CLASP1: variants seen among roughly 807,000 people sequenced by gnomAD.
CLASP1 encodes cytoplasmic linker associated protein 1, also known as CLIP-associating protein 1.
In CLASP1, 38 loss-of-function variants were observed where a neutral mutation model predicts 192.3. The observed-to-expected ratio is 0.20, with a 90% confidence interval of 0.15 to 0.26. The LOEUF (loss-of-function observed/expected upper bound fraction) is 0.26. Among genes scored for constraint, CLASP1 ranks in the 10% least tolerant of loss-of-function variants. The pLI, the probability that CLASP1 is intolerant of heterozygous loss-of-function variation, is 1.00. For missense variants in CLASP1, 1,433 were observed against 1,932.5 expected, an observed-to-expected ratio of 0.74 and a Z score of 4.85; for synonymous variants, 691 against 712.8, an observed-to-expected ratio of 0.97 and a Z score of 0.49.
At chr2:121,456,422 AACTTGAGGTT>A (rs745942756) in intron 14 of CLASP1, among the ~76,000 whole-genome samples, 59 of 151,636 alleles carry the variant, frequency 3.9e-4, no homozygotes, top group Non-Finnish European at 2.4e-4. Flanking sequence ...GAAGCCCAGG[AACTTGAGGTT>A]ACAGTGTGCT....
At chr2:121,337,961 A>G (rs200097989) in exon 40 of CLASP1, 1 of 148,280 alleles carries the variant, frequency 6.7e-6, no homozygotes, top group Non-Finnish European at 1.5e-5. Flanking sequence ...CCCCAAAAAA[A>G]CCCAAAAAAC....
At chr2:121,428,223 C>A (rs1452406986) in intron 20 of CLASP1, among the ~76,000 whole-genome samples, 1 of 152,192 alleles carries the variant, frequency 6.6e-6, no homozygotes, top group African/African-American at 2.4e-5. Context: ...AGGTAACCTA[C>A]ACATTCCTAA....
chr2:121,486,030 G>C (rs1014444124), intron 8 of CLASP1, among the ~76,000 whole-genome samples: 3 of 152,202 alleles, frequency 2.0e-5, no homozygotes, highest in African/African-American at 4.8e-5. Context: ...TGAGGAAAGT[G>C]AAGTGCATTC....
intron 34 of CLASP1, among the ~76,000 whole-genome samples, chr2:121,371,309 C>G (rs1157971026): frequency 6.6e-6 from 1 of 152,040 alleles, no homozygotes; most frequent in Non-Finnish European, 1.5e-5. Context: ...TAGCTTACTG[C>G]AGCCTCAAAC....
chr2:121,625,858 G>A (rs1381500075), intron 1 of CLASP1, among the ~76,000 whole-genome samples: 5 of 151,862 alleles, frequency 3.3e-5, no homozygotes, highest in Non-Finnish European at 4.4e-5. Flanking sequence ...TTGGGAGGCC[G>A]AGGCAGGCAC....
At chr2:121,434,453 T>C (rs2081974016) in intron 19 of CLASP1, among the ~76,000 whole-genome samples, 1 of 151,676 alleles carries the variant, frequency 6.6e-6, no homozygotes, top group African/African-American at 2.4e-5. Flanking sequence ...TCTGTAGAGA[T>C]GGGGGTCTCA....
intron 32 of CLASP1, among the ~76,000 whole-genome samples, 154 bp from the exon 34 acceptor site, chr2:121,382,478 C>T (rs1381615903): frequency 6.6e-6 from 1 of 152,168 alleles, no homozygotes. Flanking sequence ...CTTCATCATA[C>T]AGAGAAAAGA....
At chr2:121,354,083 G>A (rs973740613) in intron 37 of CLASP1, among the ~76,000 whole-genome samples, 2 of 152,222 alleles carry the variant, frequency 1.3e-5, no homozygotes, top group African/African-American at 2.4e-5. Context: ...CCAGGCCAGC[G>A]TACATATTTT....
chr2:121,404,512 G>T, intron 25 of CLASP1, 78 bp from the exon 27 acceptor site: 1 of 1,286,684 alleles, frequency 7.8e-7, no homozygotes, highest in Non-Finnish European at 1.1e-6. Flanking sequence ...TATTACCCAG[G>T]CTAGAGTGCA....
chr2:121,344,106 C>A (rs2063137149), intron 39 of CLASP1, among the ~76,000 whole-genome samples: 1 of 151,654 alleles, frequency 6.6e-6, no homozygotes, highest in Non-Finnish European at 1.5e-5. Flanking sequence ...TTTTATTATA[C>A]CACAATAAAA....
chr2:121,534,246 G>T (rs533336092), intron 2 of CLASP1, among the ~76,000 whole-genome samples: 1 of 152,324 alleles, frequency 6.6e-6, no homozygotes, highest in Non-Finnish European at 1.5e-5. Context: ...GCCCTCCAAA[G>T]TTGGTGACCT....
intron 2 of CLASP1, among the ~76,000 whole-genome samples, chr2:121,573,731 C>T (rs13409607): frequency 0.13 from 19,586 of 152,074 alleles, 1,727 homozygotes; most frequent in African/African-American, 0.24. Context: ...CCAAATGTTA[C>T]CATTTTGGGA....
chr2:121,534,532 G>A lies in CLASP1; in HGVS notation c.196-4207C>T, dbSNP rs80115427. Reference sequence around the variant, plus strand: ...ATTATTCCTGTAAAAATTTTCTTTTGTTGTTGTTGTTGTTTGTTTTTTTGA... The same window carrying A: ...ATTATTCCTGTAAAAATTTTCTTTTATTGTTGTTGTTGTTTGTTTTTTTGA... On this transcript the variant is annotated intron_variant, in intron 2 of 39. Coordinates refer to ENST00000263710, the Ensembl canonical transcript of CLASP1. Among the ~76,000 whole-genome samples, 1,421 of 152,150 alleles carry A rather than the reference G, an allele frequency of 9.3e-3. 42 individuals are homozygous for A. The highest frequency in any genetic ancestry group is 0.093 in the East Asian group (483 of 5,178).
exon 38 of CLASP1, chr2:121,348,636 A>C (rs747835336): frequency 6.2e-7 from 1 of 1,613,916 alleles, no homozygotes; most frequent in South Asian, 1.1e-5. Context: ...CGTCTGGATG[A>C]TGGGGCAGAG....
chr2:121,633,149 C>CA (rs961340850), intron 1 of CLASP1, among the ~76,000 whole-genome samples: 2 of 150,424 alleles, frequency 1.3e-5, no homozygotes, highest in African/African-American at 2.4e-5. Context: ...ATTACCTGTT[C>CA]AAAAAAAAGT....
At position 121,644,456 on chromosome 2, in the gene CLASP1, C is replaced by T. The variant is rs1179081992; in HGVS notation, c.-286+4916G>A. On this transcript the variant is annotated intron_variant, in intron 1 of 39. Coordinates refer to ENST00000263710, the Ensembl canonical transcript of CLASP1. ...CCTGAGGTCAGGAGTTTGAGATCAGCCTGGCCCAACATGGTAAAACCCCGT... is the reference window on the plus strand; with the variant it reads ...CCTGAGGTCAGGAGTTTGAGATCAGTCTGGCCCAACATGGTAAAACCCCGT... Among the ~76,000 whole-genome samples, 5 of 152,128 alleles carry T rather than the reference C, an allele frequency of 3.3e-5. No homozygotes were observed. In the East Asian group the frequency reaches 9.7e-4, roughly 29 times the overall value.
At chr2:121,510,375 T>C (rs1199873699) in intron 7 of CLASP1, among the ~76,000 whole-genome samples, 1 of 152,184 alleles carries the variant, frequency 6.6e-6, no homozygotes, top group Non-Finnish European at 1.5e-5. Flanking sequence ...CTGCTAAGCA[T>C]GTACAAATAA....
intron 2 of CLASP1, chr2:121,530,940 C>CT (rs2094795171): frequency 8.6e-6 from 6 of 700,408 alleles, no homozygotes; most frequent in Non-Finnish European, 1.3e-5. Flanking sequence ...GGCAGTACTG[C>CT]TAACGCCTGA....
At chr2:121,598,610 A>G (rs962738848) in intron 2 of CLASP1, among the ~76,000 whole-genome samples, 2 of 152,188 alleles carry the variant, frequency 1.3e-5, no homozygotes, top group Non-Finnish European at 2.9e-5. Flanking sequence ...CCAGTTCCAT[A>G]ATCACTAGTT....
Sources: allele counts gnomAD v4.1 joint callset (sites outside exome capture counted in the v4.1 genomes callset), GRCh38; gene constraint gnomAD v4.1.1; transcripts MANE v1.5; gene names NCBI Gene and HGNC (gene_info 2026-07-23, HGNC 2026-07-21).